Variants in GFRA2 observed in about 807,000 individuals in gnomAD.
GFRA2 encodes the protein GDNF family receptor alpha-2.
GFRA2 carries 17 observed loss-of-function variants against 48.3 expected under a neutral mutation model. That is an observed-to-expected ratio of 0.35 (90% confidence interval 0.24 to 0.53). The LOEUF (loss-of-function observed/expected upper bound fraction) is 0.53, where lower values mean the gene tolerates loss of function less well. GFRA2 is among the 20% of genes least tolerant of loss of function. The pLI is 0.93. For synonymous variants in GFRA2, 305 were observed against 257.2 expected, an observed-to-expected ratio of 1.19 and a Z score of -1.78; for missense variants, 660 against 637.3, an observed-to-expected ratio of 1.04 and a Z score of -0.38.
intron 7 of GFRA2, among the ~76,000 whole-genome samples, chr8:21,702,020 G>A (rs1336618954): frequency 6.6e-6 from 1 of 152,156 alleles, no homozygotes; most frequent in Non-Finnish European, 1.5e-5. Context: ...CAGGAGGCTG[G>A]TAGAGTCTGG....
intron 1 of GFRA2, among the ~76,000 whole-genome samples, chr8:21,787,918 C>G (rs1435006178): frequency 6.6e-6 from 1 of 152,052 alleles, no homozygotes; most frequent in Non-Finnish European, 1.5e-5. Context: ...GATCCCCCTG[C>G]GTCGCCAGCC....
intron 3 of GFRA2, among the ~76,000 whole-genome samples, chr8:21,773,657 G>A (rs1806548269): frequency 6.6e-6 from 1 of 152,134 alleles, no homozygotes; most frequent in Non-Finnish European, 1.5e-5. Context: ...TCTCTAGTTA[G>A]GAAGAATTAT....
intron 3 of GFRA2, among the ~76,000 whole-genome samples, chr8:21,758,226 CA>C (rs61111308): frequency 0.3 from 45,737 of 151,550 alleles, 8,263 homozygotes; most frequent in African/African-American, 0.52. Flanking sequence ...CACACACACA[CA>C]CCTCACCCAG....
At chr8:21,701,844 C>G (rs923792741) in intron 7 of GFRA2, among the ~76,000 whole-genome samples, 1 of 152,152 alleles carries the variant, frequency 6.6e-6, no homozygotes, top group Admixed American at 6.6e-5. Context: ...TCAGAATCAT[C>G]AGAGCTGATG....
At position 21,759,541 on chromosome 8, in the gene GFRA2, GGA is replaced by G. The variant is rs1491541697; in HGVS notation, c.440-8601_440-8600del. ...AGGAAGGAAGGAAGGAAGGAAGGAA[GGA>G]GGGAAGGAAGGAAGGAAAGAAATTT... On this transcript the variant is annotated intron_variant, in intron 3 of 8. Transcript: ENST00000524240. Among the ~76,000 whole-genome samples, 281 of 148,232 alleles carry G rather than the reference GGA, an allele frequency of 1.9e-3. 2 individuals carry two copies. Among genetic ancestry groups the G allele is most frequent in the East Asian group, 0.017 (86 of 4,964 alleles).
intron 4 of GFRA2, among the ~76,000 whole-genome samples, chr8:21,717,427 G>A (rs1048581372): frequency 6.6e-6 from 1 of 152,124 alleles, no homozygotes; most frequent in African/African-American, 2.4e-5. Flanking sequence ...GGTTACAAAT[G>A]GAGAAAATGT....
intron 4 of GFRA2, among the ~76,000 whole-genome samples, chr8:21,731,054 T>C (rs540637721): frequency 1.3e-4 from 20 of 152,144 alleles, no homozygotes; most frequent in Non-Finnish European, 2.8e-4. Context: ...GTCCCCTCAT[T>C]TGAAAGGGGC....
At chr8:21,755,807 C>A (rs1805540318) in intron 3 of GFRA2, among the ~76,000 whole-genome samples, 1 of 152,236 alleles carries the variant, frequency 6.6e-6, no homozygotes, top group African/African-American at 2.4e-5. Flanking sequence ...GAAACCAAGG[C>A]AAGGAATGCC....
intron 3 of GFRA2, among the ~76,000 whole-genome samples, chr8:21,764,997 T>A (rs149820356): frequency 0.041 from 6,251 of 152,300 alleles, 154 homozygotes; most frequent in African/African-American, 0.055. Flanking sequence ...ATGGGTGACC[T>A]CCATGTCACT....
At chr8:21,774,053 T>C (rs1806566553) in intron 3 of GFRA2, among the ~76,000 whole-genome samples, 1 of 152,132 alleles carries the variant, frequency 6.6e-6, no homozygotes, top group Non-Finnish European at 1.5e-5. Context: ...AAACTGCATG[T>C]AAACGAGATT....
chr8:21,808,720 C>T (rs191427974), intron 1 of GFRA2, among the ~76,000 whole-genome samples: 1 of 152,356 alleles, frequency 6.6e-6, no homozygotes, highest in African/African-American at 2.4e-5. Flanking sequence ...TCCCCTCCAG[C>T]AAAACAAGCC....
rs1468645055 is a variant in GFRA2 at position 21,691,980 on chromosome 8, A to C, written c.*1298T>G. On this transcript the variant is annotated 3_prime_UTR_variant, in exon 9 of 9. Transcript: ENST00000524240. Reference sequence around the variant, plus strand: ...CAGGTAACACTGGACCAAGAACAAAATGGGGGCAAAACCCCACGGGACCGA... The same window carrying C: ...CAGGTAACACTGGACCAAGAACAAACTGGGGGCAAAACCCCACGGGACCGA... The C allele has an allele frequency of 6.6e-6, 1 of 152,630 alleles. No homozygotes were observed. The highest frequency in any genetic ancestry group is 1.5e-5 in the Non-Finnish European group (1 of 68,054). The allele number at this position is 152,630 out of a possible 1,614,324, so 9.5% of individuals were successfully genotyped here. A position where few individuals can be genotyped will look rare whatever the true frequency, so the allele number is the denominator to read the frequency against.
In GFRA2 at chr8:21,757,654, C is replaced by G. The variant is rs142605013; in HGVS notation, c.440-6712G>C. Among the ~76,000 whole-genome samples, 1,487 of 152,258 alleles carry G rather than the reference C, an allele frequency of 9.8e-3. 19 individuals are homozygous for G. Among genetic ancestry groups the G allele is most frequent in the African/African-American group, 0.034 (1,395 of 41,548 alleles). The stretch of plus-strand genomic sequence containing the variant: ...GGGATTACAGGCGCCTGCCACCACA[C>G]TCAGCTAATTATTTTTTGTATTTTT... On this transcript the variant is annotated intron_variant, in intron 3 of 8. Coordinates refer to ENST00000524240, the MANE Select transcript of GFRA2 (RefSeq NM_001495.5).
At chr8:21,745,087 C>T (rs972273920) in intron 4 of GFRA2, among the ~76,000 whole-genome samples, 10 of 152,250 alleles carry the variant, frequency 6.6e-5, no homozygotes, top group Admixed American at 5.2e-4. Context: ...AACCCTCCAA[C>T]ACTTTATCGC....
At chr8:21,794,655 G>A (rs1175774162) in intron 2 of GFRA2, among the ~76,000 whole-genome samples, 1 of 152,122 alleles carries the variant, frequency 6.6e-6, no homozygotes, top group African/African-American at 2.4e-5. Context: ...GATTCTGTCA[G>A]GTGCCCAGCT....
chr8:21,811,423 A>C (rs1052777300), intron 1 of GFRA2, among the ~76,000 whole-genome samples: 3 of 152,210 alleles, frequency 2.0e-5, no homozygotes, highest in Non-Finnish European at 4.4e-5. Context: ...AGGCTGGATC[A>C]GAGGCCTTTT....
At chr8:21,798,136 A>C (rs1181013301) in intron 2 of GFRA2, among the ~76,000 whole-genome samples, 1 of 152,204 alleles carries the variant, frequency 6.6e-6, no homozygotes, top group Non-Finnish European at 1.5e-5. Context: ...AGGATTCTGC[A>C]GTCTTCCCTT....
chr8:21,731,508 C>A (rs1336068612), intron 4 of GFRA2, among the ~76,000 whole-genome samples: 1 of 151,952 alleles, frequency 6.6e-6, no homozygotes, highest in Non-Finnish European at 1.5e-5. Flanking sequence ...AGGGCTCCGG[C>A]AAAACAGCAC....
At chr8:21,717,031 G>C (rs1803370622) in intron 4 of GFRA2, among the ~76,000 whole-genome samples, 1 of 152,206 alleles carries the variant, frequency 6.6e-6, no homozygotes, top group Non-Finnish European at 1.5e-5. Context: ...TTTCCAGCCA[G>C]GTCAGCCGGC....
Sources: allele counts gnomAD v4.1 joint callset (sites outside exome capture counted in the v4.1 genomes callset), GRCh38; gene constraint gnomAD v4.1.1; transcripts MANE v1.5; gene names NCBI Gene and HGNC (gene_info 2026-07-23, HGNC 2026-07-21).